UBAP2L: variants seen among roughly 807,000 people sequenced by gnomAD.
The protein encoded by UBAP2L is ubiquitin-associated protein 2-like.
Under a neutral mutation model 130.6 loss-of-function variants are expected in UBAP2L, and 12 were observed. The observed-to-expected ratio is 0.09, with a 90% confidence interval of 0.06 to 0.15. The LOEUF (loss-of-function observed/expected upper bound fraction) is 0.15. Ranked by LOEUF, UBAP2L falls within the 10% of genes least tolerant of loss-of-function variation. The pLI is 1.00. For synonymous variants in UBAP2L, 503 were observed against 524.7 expected (o/e 0.96, Z 0.57); for missense variants, 965 against 1,332.5 (o/e 0.72, Z 4.29).
chr1:154,220,452 C>A (rs1320281696), upstream of UBAP2L: 7 of 1,611,738 alleles, frequency 4.3e-6, no homozygotes, highest in Admixed American at 1.0e-4. Context: ...ACCCCGCTGT[C>A]CTGGCTGGTC....
rs746613043 is a variant in UBAP2L, at chr1:154,235,203, T to G, written c.456T>G (p.Gly152=). 2.6e-6 allele frequency: 2 copies of G among 769,576 alleles called. No homozygotes were observed. The highest frequency in any genetic ancestry group is 3.6e-5 in the Admixed American group (2 of 55,380). The allele number at this position is 769,576 out of a possible 1,614,324, so 47.7% of individuals were successfully genotyped here. Residue 152 remains glycine, a synonymous_variant, in exon 6 of 27, where the codon GGT becomes GGG. Coordinates refer to ENST00000428931, the MANE Select transcript of UBAP2L (RefSeq NM_014847.4). ...RGASRGREFR[G]QENGLDGTKS... is the part of the protein sequence containing the mutation. ...TTTTTATTTTTATTTCAGTTCGAGG[T>G]CAGGAAAATGGATTGGATGGCACCA...
At position 154,225,093 on chromosome 1, in the gene UBAP2L, T is replaced by G; in HGVS notation, c.-31T>G. 6.2e-7 allele frequency: 1 copy of G among 1,608,212 alleles called. No homozygotes were observed. ...CTTTTAAATCTTTCAGTATTCTACC[T>G]TGTAAATACTGTTATTTGTATATAC... On this transcript the variant is annotated 5_prime_UTR_variant, in exon 2 of 27. Transcript: ENST00000428931.
intron 17 of UBAP2L, 129 bp downstream of exon 17, chr1:154,255,455 A>G: frequency 3.1e-6 from 4 of 1,303,762 alleles, no homozygotes; most frequent in Non-Finnish European, 4.2e-6. Context: ...GTGACCTAAG[A>G]ACTGTGGGAA....
chr1:154,246,168 TCA>T, intron 10 of UBAP2L, 34 bp from the exon 11 acceptor site: 2 of 1,479,870 alleles, frequency 1.4e-6, no homozygotes, highest in South Asian at 2.4e-5. Context: ...GCGTGTTCAG[TCA>T]TTCTTCATGA....
chr1:154,253,753 A>G (rs1432404093), intron 14 of UBAP2L, 147 bp from the exon 15 acceptor site: 18 of 727,870 alleles, frequency 2.5e-5, no homozygotes, highest in Non-Finnish European at 3.7e-5. Context: ...TCAGGAGGAA[A>G]TTTTGGTAGA....
intron 11 of UBAP2L, among the ~76,000 whole-genome samples, chr1:154,247,038 A>G (rs769941150): frequency 1.3e-5 from 2 of 152,216 alleles, no homozygotes; most frequent in African/African-American, 4.8e-5. Flanking sequence ...AAACTAAACA[A>G]AGATGCTACA....
At chr1:154,220,263 C>T, upstream of UBAP2L, 1 of 1,529,866 alleles carries the variant, frequency 6.5e-7, no homozygotes, top group Non-Finnish European at 9.1e-7. Context: ...GTGGAGAATG[C>T]AGACGGGGTA....
At position 154,243,243 on chromosome 1, in the gene UBAP2L, C is replaced by T. The variant is rs1197682863; in HGVS notation, c.783C>T (p.Ala261=). 4 of 1,611,694 alleles carry T rather than the reference C, an allele frequency of 2.5e-6. No individual in the cohort carries two copies. Among genetic ancestry groups the T allele is most frequent in the East Asian group, 2.2e-5 (1 of 44,870 alleles). ...TTTCTGAGACCAAGATCTTCACTGC[C>T]TCTAATGTGTCTTCAGTGCCTCTGC... ...EDLSETKIFT[A]SNVSSVPLPA... The change falls in exon 10 of 27, where the codon GCC becomes GCT. Residue 261 remains alanine (A), a synonymous_variant. Transcript: ENST00000428931.
chr1:154,228,125 TG>T lies in UBAP2L; in HGVS notation c.169-483del, dbSNP rs568454207. ...ACATGTTTTCCTTTTTGGCGGGGGT[TG>T]GGGGGGTGGTTCTGGAAAACCTGCT... On this transcript the variant is annotated intron_variant, in intron 3 of 26. Transcript: ENST00000428931. 5.3e-5 allele frequency among the ~76,000 whole-genome samples: 8 copies of T among 151,920 alleles called. No individual in the cohort carries two copies. The East Asian group carries it at 1.4e-3, about 26-fold the overall frequency.
At chr1:154,248,523 T>A (rs894889161) in intron 11 of UBAP2L, among the ~76,000 whole-genome samples, 42 of 152,156 alleles carry the variant, frequency 2.8e-4, no homozygotes, top group Admixed American at 2.8e-3. Flanking sequence ...ATTGGTTGAT[T>A]TAAAAATTCT....
Position 154,225,206 on chromosome 1 carries a change from G to A in UBAP2L, c.83G>A (p.Arg28Gln), listed in dbSNP as rs753515662. ...CAAAACCAGACACAGCACAAGCAGC[G>A]GCCACAGGTAAATAATCCAAGGCAT... The part of the protein sequence containing the change: ...QNQNQTQHKQ[R>Q]PQATAEQIRL... The change falls in exon 2 of 27, where the codon CGG becomes CAG. Residue 28 changes from arginine (R) to glutamine (Q), a missense_variant. Coordinates refer to ENST00000428931, the MANE Select transcript of UBAP2L (RefSeq NM_014847.4). The A allele has an allele frequency of 1.9e-6, 3 of 1,614,026 alleles. No homozygotes were observed. Among genetic ancestry groups the A allele is most frequent in the Non-Finnish European group, 2.5e-6 (3 of 1,179,982 alleles).
At position 154,261,665 on chromosome 1, in the gene UBAP2L, C is replaced by T. The variant is rs1034044389; in HGVS notation, c.2870C>T (p.Pro957Leu). 2 of 1,614,082 alleles carry T rather than the reference C, an allele frequency of 1.2e-6. No homozygotes were observed. Among genetic ancestry groups the T allele is most frequent in the Non-Finnish European group, 1.7e-6 (2 of 1,180,006 alleles). The change falls in exon 24 of 27, where the codon CCG becomes CTG. Residue 957 changes from proline to leucine, a missense_variant. This residue lies in a region of UBAP2L where 194 missense variants were observed against 334.0 expected (regional missense o/e 0.58). Transcript: ENST00000428931. Reference sequence around the variant, plus strand: ...GCATCGGCCACCCCTTTCCAACAGCCGAGTGGATATGGGTCTCATGGATAC... The same window carrying T: ...GCATCGGCCACCCCTTTCCAACAGCTGAGTGGATATGGGTCTCATGGATAC... The part of the protein sequence containing the change: ...VNASATPFQQ[P>L]SGYGSHGYNT...
intron 15 of UBAP2L, 152 bp from the exon 16 acceptor site, chr1:154,254,684 G>T: frequency 1.2e-6 from 1 of 851,716 alleles, no homozygotes; most frequent in Non-Finnish European, 1.8e-6. Context: ...TTTTTGGATA[G>T]TCTACATTGT....
At chr1:154,227,208 C>T in intron 2 of UBAP2L, 74 bp from the exon 3 acceptor site, 1 of 1,327,376 alleles carries the variant, frequency 7.5e-7, no homozygotes. Flanking sequence ...GCAGTGGAGG[C>T]TGACGAAATA....
Position 154,270,571 on chromosome 1 carries a change from C to T in UBAP2L, c.*276C>T. ...TTATGAAACTTTGCTATGGGCCCTG[C>T]ACTTCCTTTGCTTCCTCCTGTTCAC... On this transcript the variant is annotated 3_prime_UTR_variant, in exon 27 of 27. Transcript: ENST00000428931. 2 of 1,421,402 alleles carry T rather than the reference C, an allele frequency of 1.4e-6. No homozygotes were observed. The highest frequency in any genetic ancestry group is 1.8e-6 in the Non-Finnish European group (2 of 1,092,084). 88.0% of individuals were successfully genotyped at this position (1,421,402 alleles called of 1,614,324 possible). A position where few individuals can be genotyped will look rare whatever the true frequency, so the allele number is the denominator to read the frequency against.
At chr1:154,227,407 A>G in intron 3 of UBAP2L, 48 bp downstream of exon 3, 1 of 1,515,500 alleles carries the variant, frequency 6.6e-7, no homozygotes, top group Non-Finnish European at 9.1e-7. Context: ...AGATACCAGT[A>G]TTAAGGCATA....
At chr1:154,250,944 T>C in intron 12 of UBAP2L, 97 bp from the exon 13 acceptor site, 3 of 1,352,732 alleles carry the variant, frequency 2.2e-6, no homozygotes, top group Non-Finnish European at 3.0e-6. Flanking sequence ...AGTTTCTGAT[T>C]TTTACAGTCC....
intron 1 of UBAP2L, among the ~76,000 whole-genome samples, chr1:154,223,617 AT>A (rs1431363227): frequency 1.3e-5 from 2 of 151,964 alleles, no homozygotes; most frequent in Non-Finnish European, 2.9e-5. Flanking sequence ...TGAAATACTT[AT>A]GGGCTTTTGT....
chr1:154,265,339 T>G (rs1682940074), intron 24 of UBAP2L, among the ~76,000 whole-genome samples: 1 of 152,230 alleles, frequency 6.6e-6, no homozygotes, highest in South Asian at 2.1e-4. Flanking sequence ...TAAAACTCTT[T>G]TCCATCAGTG....
Sources: allele counts gnomAD v4.1 joint callset (sites outside exome capture counted in the v4.1 genomes callset), GRCh38; gene constraint gnomAD v4.1.1; regional missense constraint gnomAD v4.1.1; transcripts MANE v1.5; gene names NCBI Gene and HGNC (gene_info 2026-07-23, HGNC 2026-07-21).